Variants in GPHN observed in about 807,000 individuals in gnomAD.
GPHN encodes the protein gephyrin.
In GPHN, 17 loss-of-function variants were observed where a neutral mutation model predicts 95.5. That is an observed-to-expected ratio of 0.18 (90% CI 0.12 to 0.27). The LOEUF is 0.27. Among genes scored for constraint, GPHN ranks in the 10% least tolerant of loss-of-function variants. GPHN has a pLI of 1.00. For missense variants in GPHN, 660 were observed against 978.1 expected, an observed-to-expected ratio of 0.67 and a Z score of 4.34; for synonymous variants, 320 against 322.5, an observed-to-expected ratio of 0.99 and a Z score of 0.08.
intron 3 of GPHN, among the ~76,000 whole-genome samples, chr14:66,776,767 T>C (rs2059395894): frequency 6.6e-6 from 1 of 152,188 alleles, no homozygotes; most frequent in Admixed American, 6.5e-5. Flanking sequence ...GTGTAGTTCA[T>C]TAAAAATCTA....
At chr14:67,019,782 G>C (rs1171294051) in intron 9 of GPHN, among the ~76,000 whole-genome samples, 1 of 152,114 alleles carries the variant, frequency 6.6e-6, no homozygotes, top group Non-Finnish European at 1.5e-5. Context: ...CCACACACTA[G>C]CTTCAAGCTG....
chr14:67,203,328 A>G, the GPHN span: 1 of 1,508,926 alleles, frequency 6.6e-7, no homozygotes, highest in Non-Finnish European at 9.0e-7. Context: ...AAGATCTCTC[A>G]GAAGATGTGC....
chr14:67,726,253 A>G, the GPHN span: 4 of 807,742 alleles, frequency 5.0e-6, no homozygotes, highest in African/African-American at 1.7e-5. Context: ...AGGGGCCTTC[A>G]TAGAGCCTAG....
chr14:66,799,965 A>G (rs925185975), intron 3 of GPHN, among the ~76,000 whole-genome samples: 8 of 151,590 alleles, frequency 5.3e-5, no homozygotes, highest in African/African-American at 1.9e-4. Flanking sequence ...TCTCCATTGT[A>G]TGTTTTTTGG....
chr14:66,937,504 C>T (rs1014906886), intron 8 of GPHN, among the ~76,000 whole-genome samples: 1 of 151,990 alleles, frequency 6.6e-6, no homozygotes, highest in South Asian at 2.1e-4. Flanking sequence ...CCTCAGCCTC[C>T]CAAGTAGTGG....
the GPHN span, chr14:67,323,915 A>C: frequency 3.1e-6 from 2 of 638,090 alleles, no homozygotes; most frequent in Non-Finnish European, 5.4e-6. Context: ...TTGAGCTTTC[A>C]AACTGATTAT....
chr14:66,895,596 G>A (rs944213252), intron 5 of GPHN, among the ~76,000 whole-genome samples: 18 of 152,036 alleles, frequency 1.2e-4, no homozygotes, highest in African/African-American at 4.3e-4. Flanking sequence ...TGAAACAGAA[G>A]ATACTAGAAT....
At chr14:67,427,312 A>G in the GPHN span, among the ~76,000 whole-genome samples, 87,201 of 152,094 alleles carry the variant, frequency 0.57, 27,269 homozygotes, top group African/African-American at 0.83. Context: ...CTAGAGGGTG[A>G]CCGAGTCCCG....
At chr14:67,611,998 G>T in the GPHN span, among the ~76,000 whole-genome samples, 1 of 152,200 alleles carries the variant, frequency 6.6e-6, no homozygotes, top group Non-Finnish European at 1.5e-5. Flanking sequence ...TAAGGAGCAT[G>T]CAGCCTAGAT....
At chr14:67,686,739 G>C in the GPHN span, among the ~76,000 whole-genome samples, 2 of 151,998 alleles carry the variant, frequency 1.3e-5, no homozygotes, top group Non-Finnish European at 2.9e-5. Flanking sequence ...GAAAACGCTG[G>C]GGCCAGACAT....
At chr14:66,968,532 G>A (rs1396865233) in intron 9 of GPHN, among the ~76,000 whole-genome samples, 2 of 152,174 alleles carry the variant, frequency 1.3e-5, no homozygotes, top group East Asian at 1.9e-4. Flanking sequence ...ATGTGCAAAC[G>A]TATTTTGTCT....
At chr14:67,065,963 A>G (rs2076040497) in intron 11 of GPHN, among the ~76,000 whole-genome samples, 1 of 152,120 alleles carries the variant, frequency 6.6e-6, no homozygotes, top group South Asian at 2.1e-4. Flanking sequence ...TTAGGTGTAG[A>G]TTTGATCCTG....
At chr14:66,725,334 G>C (rs1246160421) in intron 2 of GPHN, among the ~76,000 whole-genome samples, 1 of 152,164 alleles carries the variant, frequency 6.6e-6, no homozygotes, top group Non-Finnish European at 1.5e-5. Flanking sequence ...CTTCAGTCTT[G>C]ATATAGATAG....
the GPHN span, among the ~76,000 whole-genome samples, chr14:67,468,909 TAA>T: frequency 1.3e-5 from 2 of 150,952 alleles, no homozygotes; most frequent in African/African-American, 2.4e-5. Context: ...ATAATAATAA[TAA>T]TTTTTTTTAA....
chr14:67,607,071 T>G, the GPHN span, among the ~76,000 whole-genome samples: 1 of 152,216 alleles, frequency 6.6e-6, no homozygotes, highest in African/African-American at 2.4e-5. Flanking sequence ...ACTCAGAATC[T>G]CAGTTTTAGC....
chr14:66,943,689 A>AC (rs2067561465), intron 8 of GPHN, among the ~76,000 whole-genome samples: 2 of 270 alleles, frequency 7.4e-3, no homozygotes, highest in South Asian at 0.25. Flanking sequence ...TGATCCAAGC[A>AC]CTATCTTCCT....
chr14:66,681,366 G>A (rs1364190049), intron 2 of GPHN, among the ~76,000 whole-genome samples, 181 bp downstream of exon 2: 1 of 152,086 alleles, frequency 6.6e-6, no homozygotes, highest in Admixed American at 6.5e-5. Flanking sequence ...ATTTTAGAAG[G>A]AATGATGTCA....
intron 1 of GPHN, among the ~76,000 whole-genome samples, chr14:66,621,336 C>G (rs972942352): frequency 1.3e-5 from 2 of 151,162 alleles, no homozygotes; most frequent in African/African-American, 4.9e-5. Flanking sequence ...AGGATGGTCT[C>G]TATCTCCTGA....
At chr14:66,973,528 G>A (rs1407852723) in intron 9 of GPHN, among the ~76,000 whole-genome samples, 2 of 152,302 alleles carry the variant, frequency 1.3e-5, no homozygotes, top group East Asian at 3.9e-4. Flanking sequence ...GAACGCCAAG[G>A]CGGGTGGATC....
Sources: gnomAD v4.1 joint callset for allele counts (sites outside exome capture counted in the v4.1 genomes callset) on GRCh38, gnomAD v4.1.1 for gene constraint, MANE v1.5 for transcripts, NCBI Gene and HGNC (gene_info 2026-07-23, HGNC 2026-07-21) for gene names.